Variants in POFUT3 observed in about 807,000 individuals in gnomAD.
POFUT3 encodes GDP-fucose protein O-fucosyltransferase 3.
At chr8:33,438,306 A>G in the POFUT3 span, among the ~76,000 whole-genome samples, 2 of 152,202 alleles carry the variant, frequency 1.3e-5, no homozygotes, top group Non-Finnish European at 2.9e-5. Flanking sequence ...GGCCAGATGC[A>G]GTGGCCCATG....
the POFUT3 span, among the ~76,000 whole-genome samples, chr8:33,380,006 A>ATATATATAC: frequency 2.0e-4 from 15 of 74,734 alleles, 3 homozygotes; most frequent in Admixed American, 1.1e-3. Flanking sequence ...TATATATACT[A>ATATATATAC]TATATATAGT....
At chr8:33,424,825 C>T in the POFUT3 span, among the ~76,000 whole-genome samples, 1 of 152,126 alleles carries the variant, frequency 6.6e-6, no homozygotes, top group South Asian at 2.1e-4. Flanking sequence ...TGGAACAGGC[C>T]ACTGCTCTTG....
chr8:33,328,088 A>T, the POFUT3 span, among the ~76,000 whole-genome samples: 5 of 152,166 alleles, frequency 3.3e-5, no homozygotes, highest in Admixed American at 3.3e-4. Flanking sequence ...AAAAGTAGTG[A>T]TCTTCTTCTC....
the POFUT3 span, among the ~76,000 whole-genome samples, chr8:33,341,375 C>T: frequency 6.8e-6 from 1 of 146,074 alleles, no homozygotes; most frequent in Non-Finnish European, 1.5e-5. Flanking sequence ...GCGGAGGTTG[C>T]AGTGAGCTGA....
chr8:33,318,826 T>A, the POFUT3 span, among the ~76,000 whole-genome samples: 1 of 53,952 alleles, frequency 1.9e-5, no homozygotes, highest in Non-Finnish European at 2.7e-5. Context: ...TATATATATA[T>A]TTTATATATA....
At chr8:33,354,156 C>G in the POFUT3 span, among the ~76,000 whole-genome samples, 1 of 152,066 alleles carries the variant, frequency 6.6e-6, no homozygotes, top group Admixed American at 6.6e-5. Context: ...AAAAGATAGG[C>G]AGAATATGAA....
the POFUT3 span, among the ~76,000 whole-genome samples, chr8:33,343,382 A>G: frequency 6.6e-6 from 1 of 152,220 alleles, no homozygotes; most frequent in Non-Finnish European, 1.5e-5. Flanking sequence ...TAAAATTAGC[A>G]GGAAAAGCTT....
the POFUT3 span, among the ~76,000 whole-genome samples, chr8:33,429,133 T>C: frequency 6.6e-6 from 1 of 152,168 alleles, no homozygotes; most frequent in East Asian, 1.9e-4. Flanking sequence ...GGTTTTCTAT[T>C]TTCCTTTTAC....
At chr8:33,417,000 G>A in the POFUT3 span, among the ~76,000 whole-genome samples, 6 of 152,144 alleles carry the variant, frequency 3.9e-5, no homozygotes, top group Non-Finnish European at 8.8e-5. Flanking sequence ...AGCCTGTTAG[G>A]AACCCAGACA....
At chr8:33,341,672 A>G in the POFUT3 span, among the ~76,000 whole-genome samples, 767 of 151,958 alleles carry the variant, frequency 5.0e-3, 6 homozygotes, top group African/African-American at 0.017. Flanking sequence ...GAAGCTAGGG[A>G]AAAAAAAGAG....
chr8:33,437,825 A>T, the POFUT3 span, among the ~76,000 whole-genome samples: 12 of 152,290 alleles, frequency 7.9e-5, no homozygotes, highest in East Asian at 2.3e-3. Context: ...AGAGAAAAAA[A>T]AAAGGAGTCT....
chr8:33,422,729 T>TA, the POFUT3 span, among the ~76,000 whole-genome samples: 1 of 151,974 alleles, frequency 6.6e-6, no homozygotes, highest in Non-Finnish European at 1.5e-5. Flanking sequence ...AGTCAATACC[T>TA]ACAATAGGGT....
chr8:33,437,038 C>T, the POFUT3 span, among the ~76,000 whole-genome samples: 15 of 152,122 alleles, frequency 9.9e-5, no homozygotes, highest in Admixed American at 6.6e-4. Flanking sequence ...AATTCTAATT[C>T]GCTTAGGATA....
chr8:33,383,203 C>T, the POFUT3 span, among the ~76,000 whole-genome samples: 1 of 152,130 alleles, frequency 6.6e-6, no homozygotes, highest in African/African-American at 2.4e-5. Flanking sequence ...CACTCCCCTA[C>T]TCCTCCCTCC....
At chr8:33,319,533 T>TATATA in the POFUT3 span, among the ~76,000 whole-genome samples, 1 of 17,404 alleles carries the variant, frequency 5.7e-5, no homozygotes, top group Non-Finnish European at 8.5e-5. Context: ...TATATATATA[T>TATATA]TTATATAATA....
At chr8:33,438,877 T>C in the POFUT3 span, among the ~76,000 whole-genome samples, 1 of 152,086 alleles carries the variant, frequency 6.6e-6, no homozygotes, top group Non-Finnish European at 1.5e-5. Flanking sequence ...ATGTGAACAG[T>C]CTGGGGGAAA....
the POFUT3 span, among the ~76,000 whole-genome samples, chr8:33,447,107 T>C: frequency 2.0e-5 from 3 of 152,314 alleles, no homozygotes; most frequent in Non-Finnish European, 4.4e-5. Flanking sequence ...GGAGACCTTT[T>C]CAACCAGAAC....
At chr8:33,390,611 A>AT in the POFUT3 span, among the ~76,000 whole-genome samples, 6,436 of 151,262 alleles carry the variant, frequency 0.043, 447 homozygotes, top group African/African-American at 0.15. Context: ...TAGAAGATAG[A>AT]TTTTTTTAAT....
the POFUT3 span, among the ~76,000 whole-genome samples, chr8:33,312,081 G>C: frequency 1.3e-5 from 2 of 151,994 alleles, no homozygotes; most frequent in Non-Finnish European, 2.9e-5. Flanking sequence ...GGCCAATGTG[G>C]TGAAACCCCG....
Sources: allele counts gnomAD v4.1 joint callset (sites outside exome capture counted in the v4.1 genomes callset), GRCh38; gene constraint gnomAD v4.1.1; transcripts MANE v1.5; gene names NCBI Gene and HGNC (gene_info 2026-07-23, HGNC 2026-07-21).